DPP8: variants seen among roughly 807,000 people sequenced by gnomAD.
DPP8 encodes dipeptidyl peptidase 8.
A neutral mutation model predicts 107.5 loss-of-function variants in DPP8; 31 were observed. The observed-to-expected ratio is 0.29, with a 90% CI of 0.22 to 0.39. The LOEUF (loss-of-function observed/expected upper bound fraction) is 0.39. Ranked by LOEUF, DPP8 falls within the 10% of genes least tolerant of loss-of-function variation. The pLI is 1.00. For missense variants in DPP8, 842 were observed against 1,076.1 expected (o/e 0.78, Z 3.04); for synonymous variants, 381 against 356.6 (o/e 1.07, Z -0.77).
chr15:65,498,687 T>C (rs1243519132), intron 4 of DPP8, among the ~76,000 whole-genome samples: 1 of 152,152 alleles, frequency 6.6e-6, no homozygotes, highest in East Asian at 1.9e-4. Context: ...TAAAATTATT[T>C]TTACCAATAT....
intron 3 of DPP8, 94 bp from the exon 4 acceptor site, chr15:65,500,873 CTTTTTT>C: frequency 2.0e-4 from 66 of 328,766 alleles, no homozygotes; most frequent in Middle Eastern, 1.0e-3. Flanking sequence ...ATTATTGACT[CTTTTTT>C]TTTTTTTTTT....
intron 18 of DPP8, 109 bp downstream of exon 18, chr15:65,451,851 G>C: frequency 8.8e-7 from 1 of 1,139,394 alleles, no homozygotes. Context: ...TCTGAGCCCA[G>C]GAGTTTGACG....
chr15:65,480,708 G>C (rs967153351), intron 9 of DPP8, among the ~76,000 whole-genome samples: 1 of 152,178 alleles, frequency 6.6e-6, no homozygotes. Context: ...CAAGGTGAGA[G>C]GGCTGCTTGA....
chr15:65,499,070 A>AGTGTGTGTGTGTGTGTGT (rs56047613), intron 4 of DPP8, among the ~76,000 whole-genome samples: 28 of 129,756 alleles, frequency 2.2e-4, no homozygotes, highest in African/African-American at 8.1e-4. Flanking sequence ...CCAAAAAAAA[A>AGTGTGTGTGTGTGTGTGT]GTGTGTGTGT....
At chr15:65,463,974 G>A (rs769346470) in intron 14 of DPP8, 68 bp from the exon 15 acceptor site, 67 of 1,247,114 alleles carry the variant, frequency 5.4e-5, no homozygotes, top group Non-Finnish European at 7.1e-5. Context: ...CTGGGAACAA[G>A]AAACAAGATA....
chr15:65,488,572 C>T (rs936845816), intron 6 of DPP8, among the ~76,000 whole-genome samples: 2 of 133,486 alleles, frequency 1.5e-5, no homozygotes, highest in African/African-American at 5.9e-5. Flanking sequence ...TGCACCACTG[C>T]ACTCCAGCCT....
At chr15:65,461,888 C>T (rs894802437) in intron 15 of DPP8, among the ~76,000 whole-genome samples, 5 of 147,894 alleles carry the variant, frequency 3.4e-5, no homozygotes, top group African/African-American at 5.0e-5. Context: ...CTTGAGCCAT[C>T]GCGCACAGCC....
chr15:65,512,482 A>G lies in DPP8; in HGVS notation c.72T>C (p.Ile24=), dbSNP rs202246475. ...CCAATTTAGGCCGATCCTGTGATTCAATATTCTCCTCACAGTCCGCAGTTT... is the reference window on the plus strand; with the variant it reads ...CCAATTTAGGCCGATCCTGTGATTCGATATTCTCCTCACAGTCCGCAGTTT... ...IFETADCEEN[I]ESQDRPKLEP... Residue 24 remains isoleucine, a synonymous_variant, in exon 2 of 20, where the codon ATT becomes ATC. Transcript: ENST00000300141. 2 of 1,614,110 alleles carry G rather than the reference A, an allele frequency of 1.2e-6. No individual in the cohort carries two copies. The highest frequency in any genetic ancestry group is 1.7e-6 in the Non-Finnish European group (2 of 1,179,994).
At chr15:65,451,167 C>A in intron 18 of DPP8, 57 bp from the exon 19 acceptor site, 1 of 991,494 alleles carries the variant, frequency 1.0e-6, no homozygotes, top group South Asian at 1.3e-5. Context: ...TTGGGAAAAC[C>A]ATTTCACTTA....
intron 1 of DPP8, among the ~76,000 whole-genome samples, chr15:65,514,084 A>G (rs1042785979): frequency 6.6e-6 from 1 of 152,244 alleles, no homozygotes; most frequent in Non-Finnish European, 1.5e-5. Context: ...TAACTATCAC[A>G]GACTAAAAGT....
At position 65,454,254 on chromosome 15, in the gene DPP8, G is replaced by A; in HGVS notation, c.2271+9C>T. Reference sequence around the variant, plus strand: ...ATTGCAAAAATGAGTATAATAGGAAGTCACATACCCTGAAGATATCTGACC... The same window carrying A: ...ATTGCAAAAATGAGTATAATAGGAAATCACATACCCTGAAGATATCTGACC... On this transcript the variant is annotated intron_variant, in intron 17 of 19. Transcript: ENST00000300141. 6.7e-7 allele frequency: 1 copy of A among 1,493,016 alleles called. No individual in the cohort carries two copies. Among genetic ancestry groups the A allele is most frequent in the Non-Finnish European group, 8.9e-7 (1 of 1,127,142 alleles). The allele number at this position is 1,493,016 out of a possible 1,614,324, so 92.5% of individuals were successfully genotyped here. A position where few individuals can be genotyped will look rare whatever the true frequency, so the allele number is the denominator to read the frequency against.
At chr15:65,452,144 A>G in intron 17 of DPP8, 42 bp from the exon 18 acceptor site, 1 of 1,577,372 alleles carries the variant, frequency 6.3e-7, no homozygotes, top group Non-Finnish European at 8.6e-7. Context: ...GTCTGGAAAA[A>G]GAGAGTGGCT....
intron 1 of DPP8, chr15:65,516,115 T>C (rs2071411864): frequency 3.6e-6 from 1 of 275,630 alleles, no homozygotes. Flanking sequence ...CAGTGACTAT[T>C]GCAAATCATC....
intron 12 of DPP8, 59 bp from the exon 13 acceptor site, chr15:65,467,282 C>T (rs77365136): frequency 0.058 from 90,162 of 1,562,012 alleles, 2,904 homozygotes; most frequent in African/African-American, 0.084. Context: ...AAAGCTAACC[C>T]CCAATTTTAT....
At chr15:65,475,744 C>T (rs2066325640) in intron 11 of DPP8, 2 of 474,002 alleles carry the variant, frequency 4.2e-6, no homozygotes, top group Non-Finnish European at 3.9e-6. Flanking sequence ...TGTCAACATG[C>T]CCCATTTGTT....
chr15:65,512,252 T>A (rs761669183), intron 2 of DPP8, 43 bp downstream of exon 2: 1 of 1,561,704 alleles, frequency 6.4e-7, no homozygotes, highest in Non-Finnish European at 8.7e-7. Context: ...TAAGTTTGAC[T>A]TAAGAGATCA....
rs1310082504 is a variant in DPP8 at position 65,517,638 on chromosome 15, A to AAGCAGCGGCGGCAGT, written c.-179_-165dup. On this transcript the variant is annotated 5_prime_UTR_variant, in exon 1 of 20. Coordinates refer to ENST00000300141, the MANE Select transcript of DPP8 (RefSeq NM_130434.5). ...CCCAGGCGGCGAACGCGGCACTAAG[A>AAGCAGCGGCGGCAGT]AGCAGCGGCGGCAGTAGCAGCGGCC... 2.6e-5 allele frequency: 4 copies of AAGCAGCGGCGGCAGT among 152,558 alleles called. No homozygotes were observed. The highest frequency in any genetic ancestry group is 2.4e-5 in the African/African-American group (1 of 41,474). 9.5% of individuals were successfully genotyped at this position (152,558 alleles called of 1,614,324 possible). A position where few individuals can be genotyped will look rare whatever the true frequency, so the allele number is the denominator to read the frequency against.
At chr15:65,494,297 C>G (rs2068356159) in intron 5 of DPP8, among the ~76,000 whole-genome samples, 1 of 151,774 alleles carries the variant, frequency 6.6e-6, no homozygotes, top group Non-Finnish European at 1.5e-5. Flanking sequence ...TGCAACAGAG[C>G]CTGACTATCC....
chr15:65,467,444 C>T (rs199897669), intron 12 of DPP8, among the ~76,000 whole-genome samples: 4 of 152,220 alleles, frequency 2.6e-5, no homozygotes, highest in East Asian at 3.9e-4. Flanking sequence ...TGCAATGATG[C>T]GATCATGGCT....
Sources: gnomAD v4.1 joint callset for allele counts (sites outside exome capture counted in the v4.1 genomes callset) on GRCh38, gnomAD v4.1.1 for gene constraint, MANE v1.5 for transcripts, NCBI Gene and HGNC (gene_info 2026-07-23, HGNC 2026-07-21) for gene names.